The following PHLDB3 variants were observed in gnomAD, a reference collection of about 807,000 sequenced individuals.
PHLDB3 encodes pleckstrin homology-like domain family B member 3.
Under a neutral mutation model 85.7 loss-of-function variants are expected in PHLDB3, and 86 were observed. That is an observed-to-expected ratio of 1.00 (90% CI 0.84 to 1.20). PHLDB3 has a LOEUF of 1.20. Among genes scored for constraint, PHLDB3 ranks in the 50% most tolerant of loss-of-function variants. The pLI is 0.00. For synonymous variants in PHLDB3, 376 were observed against 349.8 expected, an observed-to-expected ratio of 1.07 and a Z score of -0.83; for missense variants, 995 against 873.0, an observed-to-expected ratio of 1.14 and a Z score of -1.76.
rs779842577 is a variant in PHLDB3, at chr19:43,495,325, C to A, written c.966G>T (p.Leu322=). The change falls in exon 8 of 16, where the codon CTG becomes CTT. Residue 322 remains leucine (L), a synonymous_variant. Coordinates refer to ENST00000292140, the MANE Select transcript of PHLDB3 (RefSeq NM_198850.4). ...LQALSQERSR[L]LELNCLQGTP... is the part of the protein sequence containing the mutation. Reference sequence around the variant, plus strand: ...TTCCCTGAAGGCAATTGAGCTCGAGCAGCCGGCTCCGTTCCTACCAGAAGA... The same window carrying A: ...TTCCCTGAAGGCAATTGAGCTCGAGAAGCCGGCTCCGTTCCTACCAGAAGA... 6 of 1,613,474 alleles carry A rather than the reference C, an allele frequency of 3.7e-6. No homozygotes were observed. In the South Asian group the frequency reaches 6.6e-5, roughly 18 times the overall value.
At chr19:43,488,494 C>T (rs544879035) in intron 9 of PHLDB3, among the ~76,000 whole-genome samples, 40 of 152,130 alleles carry the variant, frequency 2.6e-4, no homozygotes, top group East Asian at 7.7e-4. Flanking sequence ...AAAAACCCAC[C>T]GTGCTGGTGG....
Position 43,486,613 on chromosome 19 carries a change from G to C in PHLDB3, c.1424C>G (p.Ala475Gly), listed in dbSNP as rs768112851. Residue 475 changes from alanine to glycine, a missense_variant, in exon 12 of 16, where the codon GCC becomes GGC. By Grantham distance (60) the Ala-to-Gly change is moderately conservative (BLOSUM62 0). Coordinates refer to ENST00000292140, the MANE Select transcript of PHLDB3 (RefSeq NM_198850.4). ...AMAERERLLK[A>G]REGTRRGTEG... ...GAGGATGGCCTGGGCTCTCACCCGG[G>C]CCTTGAGCAGCCGCTCCCTCTCCGC... 6.2e-7 allele frequency: 1 copy of C among 1,612,826 alleles called. No individual in the cohort carries two copies. Among genetic ancestry groups the C allele is most frequent in the South Asian group, 1.1e-5 (1 of 90,956 alleles).
In PHLDB3 at chr19:43,486,720, G is replaced by A. The variant is rs867767610; in HGVS notation, c.1341-24C>T. On this transcript the variant is annotated intron_variant, in intron 11 of 15. Coordinates refer to ENST00000292140, the MANE Select transcript of PHLDB3 (RefSeq NM_198850.4). ...AGCTAGGAGGAGGGAACACAGACGG[G>A]GTGGGTTACAGTGGCTGGGCCTCTT... 5 of 1,613,622 alleles carry A rather than the reference G, an allele frequency of 3.1e-6. No individual in the cohort carries two copies. In the Admixed American group the frequency reaches 5.0e-5, roughly 16 times the overall value.
rs1971478150 is a variant in PHLDB3, at chr19:43,497,163, T to C, written c.780A>G (p.Pro260=). 6.4e-7 allele frequency: 1 copy of C among 1,558,088 alleles called. No individual in the cohort carries two copies. The highest frequency in any genetic ancestry group is 8.7e-7 in the Non-Finnish European group (1 of 1,154,688). Residue 260 remains proline, a synonymous_variant, in exon 6 of 16, where the codon CCA becomes CCG. Transcript: ENST00000292140. ...CCTGGAGTTCCTGGACCTTGGGGTCTGGCACCTGGGGCCCAGGGCTGTCCC... is the reference window on the plus strand; with the variant it reads ...CCTGGAGTTCCTGGACCTTGGGGTCCGGCACCTGGGGCCCAGGGCTGTCCC... ...EDRDSPGPQV[P]DPKVQELQAS... is the part of the protein sequence containing the mutation.
chr19:43,497,138 C>T lies in PHLDB3; in HGVS notation c.805G>A (p.Ala269Thr). The T allele has an allele frequency of 1.3e-6, 2 of 1,541,610 alleles. No homozygotes were observed. Among genetic ancestry groups the T allele is most frequent in the Non-Finnish European group, 1.7e-6 (2 of 1,148,906 alleles). Residue 269 changes from alanine to threonine, a missense_variant, in exon 6 of 16, where the codon GCC (alanine) becomes ACC (threonine). Transcript: ENST00000292140. ...CTCACTCTGTGCTGCGCCATGCTGG[C>T]CTGGAGTTCCTGGACCTTGGGGTCT... ...VPDPKVQELQ[A>T]SMAQHRRGAL...
chr19:43,503,298 C>G (rs1971663078), intron 2 of PHLDB3, among the ~76,000 whole-genome samples: 1 of 151,390 alleles, frequency 6.6e-6, no homozygotes, highest in Non-Finnish European at 1.5e-5. Flanking sequence ...CTCTCTCTCT[C>G]TCTCTCTCTC....
chr19:43,486,541 C>T, intron 12 of PHLDB3, 68 bp downstream of exon 12: 1 of 1,529,328 alleles, frequency 6.5e-7, no homozygotes, highest in Non-Finnish European at 8.8e-7. Context: ...AGTTGGGGGT[C>T]TCCCAGGTCT....
chr19:43,501,528 C>CA (rs1169001741), intron 4 of PHLDB3: 2 of 946,552 alleles, frequency 2.1e-6, no homozygotes, highest in Admixed American at 6.0e-5. Context: ...AGCAAACGGA[C>CA]AGGGGACAAA....
At chr19:43,486,922 T>C (rs377119581) in intron 10 of PHLDB3, 52 bp from the exon 11 acceptor site, 1 of 1,485,934 alleles carries the variant, frequency 6.7e-7, no homozygotes, top group South Asian at 1.4e-5. Flanking sequence ...GGCCTGAGCC[T>C]ATCCACTTCT....
chr19:43,501,175 CTTT>C (rs59042804), intron 4 of PHLDB3, among the ~76,000 whole-genome samples: 123 of 83,624 alleles, frequency 1.5e-3, no homozygotes, highest in African/African-American at 1.9e-3. Context: ...TTCTTTTTCT[CTTT>C]TTTTTTTTTT....
chr19:43,478,846 T>A (rs1246975840), intron 14 of PHLDB3, among the ~76,000 whole-genome samples: 1 of 151,466 alleles, frequency 6.6e-6, no homozygotes, highest in Admixed American at 6.6e-5. Context: ...GCCGGGGAGG[T>A]GGAGGTTGCA....
In PHLDB3 at chr19:43,504,023, G is replaced by A. The variant is rs955872217; in HGVS notation, c.96C>T (p.Ser32=). The A allele has an allele frequency of 3.7e-6, 6 of 1,613,918 alleles. No individual in the cohort carries two copies. The highest frequency in any genetic ancestry group is 1.6e-4 in the Middle Eastern group (1 of 6,062). ...GGACTTCGGATGCCTCCTGTTCCCG[G>A]GACTCCTCGGGATGGCCCTGGGGCT... The part of the protein sequence containing the change: ...EVQPQGHPEE[S]REQEASEVLA... The change falls in exon 2 of 16, where the codon TCC becomes TCT. Residue 32 remains serine, a synonymous_variant. Transcript: ENST00000292140.
chr19:43,497,883 GAAC>G lies in PHLDB3; in HGVS notation c.535-10_535-8del, dbSNP rs150170781. Reference sequence around the variant, plus strand: ...GGCTCAGCCGCCTCTGTTCCTGAAAGAACAACAAGGTTCTCACCCTCAGCTTAA... The same window carrying G: ...GGCTCAGCCGCCTCTGTTCCTGAAAGAACAAGGTTCTCACCCTCAGCTTAA... On this transcript the variant is annotated splice_region_variant and splice_polypyrimidine_tract_variant and intron_variant, in intron 4 of 15. Coordinates refer to ENST00000292140, the MANE Select transcript of PHLDB3 (RefSeq NM_198850.4). 3,264 of 1,589,280 alleles carry G rather than the reference GAAC, an allele frequency of 2.1e-3. 33 individuals carry two copies. In the African/African-American group the frequency reaches 0.03, roughly 15 times the overall value.
At chr19:43,493,636 A>C (rs1042256528) in intron 9 of PHLDB3, among the ~76,000 whole-genome samples, 1 of 152,138 alleles carries the variant, frequency 6.6e-6, no homozygotes, top group Non-Finnish European at 1.5e-5. Context: ...TGTCAAAAAA[A>C]AAAAGCTAGA....
At chr19:43,480,810 C>G (rs1283345709) in intron 13 of PHLDB3, among the ~76,000 whole-genome samples, 1 of 152,078 alleles carries the variant, frequency 6.6e-6, no homozygotes, top group Non-Finnish European at 1.5e-5. Flanking sequence ...GCTGACAGAG[C>G]CAGGACTCAC....
At position 43,495,764 on chromosome 19, in the gene PHLDB3, C is replaced by T. The variant is rs570860276; in HGVS notation, c.826-144G>A. On this transcript the variant is annotated intron_variant, in intron 6 of 15. Coordinates refer to ENST00000292140, the MANE Select transcript of PHLDB3 (RefSeq NM_198850.4). ...GGAGTGTCCAGGGCTGGGGACCCAG[C>T]GTTCAGCTCCCTGGACCCTCTTCCC... The T allele has an allele frequency of 1.1e-4, 130 of 1,189,464 alleles. No individual in the cohort carries two copies. The East Asian group carries it at 2.4e-3, about 22-fold the overall frequency. 73.7% of individuals were successfully genotyped at this position (1,189,464 alleles called of 1,614,324 possible).
At chr19:43,477,277 T>C (rs1368730471) in intron 15 of PHLDB3, among the ~76,000 whole-genome samples, 2 of 148,278 alleles carry the variant, frequency 1.3e-5, no homozygotes, top group Non-Finnish European at 2.9e-5. Context: ...TCCGAGCACT[T>C]TGGGGGGCCA....
intron 9 of PHLDB3, among the ~76,000 whole-genome samples, chr19:43,489,700 T>A (rs958581784): frequency 6.6e-6 from 1 of 152,060 alleles, no homozygotes; most frequent in South Asian, 2.1e-4. Context: ...TTTTGTGAAT[T>A]TTTTGCTAGA....
chr19:43,502,987 T>A (rs1396620379), intron 2 of PHLDB3, among the ~76,000 whole-genome samples: 1 of 82,726 alleles, frequency 1.2e-5, no homozygotes, highest in Non-Finnish European at 2.5e-5. Context: ...AGATTCGGTA[T>A]CTGTCCACTA....
Sources: gnomAD v4.1 joint callset for allele counts (sites outside exome capture counted in the v4.1 genomes callset) on GRCh38, gnomAD v4.1.1 for gene constraint, MANE v1.5 for transcripts, NCBI Gene and HGNC (gene_info 2026-07-23, HGNC 2026-07-21) for gene names.